PRKN: variants seen among roughly 807,000 people sequenced by gnomAD.
PRKN encodes the protein E3 ubiquitin-protein ligase parkin.
In PRKN, 56 loss-of-function variants were observed where a neutral mutation model predicts 59.5. The observed-to-expected ratio is 0.94, with a 90% CI of 0.76 to 1.18. PRKN has a LOEUF of 1.18. Ranked by LOEUF, PRKN falls within the 50% of genes most tolerant of loss-of-function variation. The probability of loss-of-function intolerance (pLI) is 0.00; values close to 1 mark genes in which losing one functional copy is unlikely to be tolerated. For missense variants in PRKN, 657 were observed against 596.4 expected, an observed-to-expected ratio of 1.10 and a Z score of -1.06; for synonymous variants, 250 against 222.1, an observed-to-expected ratio of 1.13 and a Z score of -1.12.
intron 5 of PRKN, among the ~76,000 whole-genome samples, chr6:162,007,488 T>C (rs560252956): frequency 6.6e-6 from 1 of 152,258 alleles, no homozygotes; most frequent in Non-Finnish European, 1.5e-5. Context: ...GTGAATATAC[T>C]TCTGAAAATG....
Position 161,376,472 on chromosome 6 carries a change from C to G in PRKN, c.1167+10322G>C, listed in dbSNP as rs1022495923. Among the ~76,000 whole-genome samples the G allele has an allele frequency of 2.6e-5, 4 of 152,214 alleles. No homozygotes were observed. The highest frequency in any genetic ancestry group is 6.5e-5 in the Admixed American group (1 of 15,292). ...TCAACATTAACCCGTCTCCTCTCAT[C>G]CTGTCTTCTAATCCACTGCCAAGTT... On this transcript the variant is annotated intron_variant, in intron 10 of 11. Coordinates refer to ENST00000366898, the MANE Select transcript of PRKN (RefSeq NM_004562.3). This position sits in a 1 kb window ranked among gnomAD's most constrained non-coding sequence, Gnocchi z 7.3.
chr6:162,051,082 C>A (rs1192262662), intron 5 of PRKN, among the ~76,000 whole-genome samples: 1 of 152,150 alleles, frequency 6.6e-6, no homozygotes, highest in Non-Finnish European at 1.5e-5. Flanking sequence ...AAATTCCCCC[C>A]ATTTGGCACC....
At chr6:162,169,924 T>C (rs539179561) in intron 4 of PRKN, among the ~76,000 whole-genome samples, 1 of 152,274 alleles carries the variant, frequency 6.6e-6, no homozygotes, top group Non-Finnish European at 1.5e-5. Context: ...ATTCTGATAC[T>C]AGAGAGCAGT....
chr6:161,875,573 G>A (rs959487157), intron 6 of PRKN, among the ~76,000 whole-genome samples: 3 of 152,026 alleles, frequency 2.0e-5, no homozygotes, highest in Non-Finnish European at 2.9e-5. Flanking sequence ...TCAACACTGC[G>A]GCTATGGCAA....
intron 2 of PRKN, among the ~76,000 whole-genome samples, chr6:162,284,215 C>CT (rs35609309): frequency 0.05 from 3,772 of 75,540 alleles, 356 homozygotes; most frequent in Admixed American, 0.08. Context: ...TTATTTCTTT[C>CT]TTTTTTTTTT....
chr6:162,711,423 A>AG (rs1778532222), intron 1 of PRKN, among the ~76,000 whole-genome samples: 1 of 151,544 alleles, frequency 6.6e-6, no homozygotes, highest in South Asian at 2.1e-4. Flanking sequence ...TGCTATTTAA[A>AG]AAAAAAAAAA....
At chr6:161,830,186 G>A (rs924320023) in intron 6 of PRKN, among the ~76,000 whole-genome samples, 8 of 152,064 alleles carry the variant, frequency 5.3e-5, no homozygotes, top group African/African-American at 1.9e-4. Context: ...CTCTGGCCCT[G>A]GAACCAGAGT....
chr6:162,445,762 A>G (rs961056316), intron 1 of PRKN, among the ~76,000 whole-genome samples: 1 of 150,354 alleles, frequency 6.7e-6, no homozygotes, highest in Non-Finnish European at 1.5e-5. Flanking sequence ...TAAAAAGATA[A>G]CAATAAAAAG....
rs574552428 is a variant in PRKN at position 162,282,036 on chromosome 6, G to A, written c.172-19271C>T. On this transcript the variant is annotated intron_variant, in intron 2 of 11. Coordinates refer to ENST00000366898, the MANE Select transcript of PRKN (RefSeq NM_004562.3). The stretch of plus-strand genomic sequence containing the variant: ...GAGAATCTACTGCCACTGCTGATCA[G>A]ACAGGAGCTCCAGCGTCATGCTCAT... Among the ~76,000 whole-genome samples, 184 of 152,256 alleles carry A rather than the reference G, an allele frequency of 1.2e-3. 1 individual carries two copies. The highest frequency in any genetic ancestry group is 4.0e-3 in the African/African-American group (168 of 41,546).
intron 1 of PRKN, among the ~76,000 whole-genome samples, chr6:162,501,416 C>T (rs1489089930): frequency 4.0e-5 from 6 of 149,736 alleles, no homozygotes; most frequent in Non-Finnish European, 8.9e-5. Flanking sequence ...GGTGTAATCT[C>T]GGCTCACTGC....
At chr6:161,435,252 C>T (rs986032684) in intron 9 of PRKN, among the ~76,000 whole-genome samples, 2 of 152,128 alleles carry the variant, frequency 1.3e-5, no homozygotes, top group African/African-American at 2.4e-5. Context: ...TTACAAGGAA[C>T]CTTTTGGACA....
chr6:162,176,718 C>A (rs775764529), intron 4 of PRKN, among the ~76,000 whole-genome samples: 4 of 152,022 alleles, frequency 2.6e-5, no homozygotes, highest in Admixed American at 1.3e-4. Context: ...AAACAGCAGA[C>A]AGTGGAAACT....
At chr6:162,604,163 T>C (rs1413258626) in intron 1 of PRKN, among the ~76,000 whole-genome samples, 1 of 152,196 alleles carries the variant, frequency 6.6e-6, no homozygotes, top group Non-Finnish European at 1.5e-5. Flanking sequence ...AAGCTTCATG[T>C]ACTCCTTGTA....
chr6:162,371,852 C>G (rs1785786724), intron 2 of PRKN, among the ~76,000 whole-genome samples: 1 of 152,174 alleles, frequency 6.6e-6, no homozygotes, highest in African/African-American at 2.4e-5. Context: ...CTCCGCCTTC[C>G]TCAAACATGG....
intron 2 of PRKN, among the ~76,000 whole-genome samples, chr6:162,413,443 G>C (rs559300704): frequency 6.6e-6 from 1 of 152,214 alleles, no homozygotes; most frequent in African/African-American, 2.4e-5. Flanking sequence ...GAAGAAAATA[G>C]AAAAAAGTTA....
intron 6 of PRKN, among the ~76,000 whole-genome samples, chr6:161,835,049 G>C (rs1212445240): frequency 6.6e-6 from 1 of 152,046 alleles, no homozygotes; most frequent in African/African-American, 2.4e-5. Context: ...CGCTCTCCAG[G>C]GTAAGTCCGT....
chr6:162,438,996 G>C (rs1288237131), intron 2 of PRKN, among the ~76,000 whole-genome samples: 1 of 151,978 alleles, frequency 6.6e-6, no homozygotes, highest in Non-Finnish European at 1.5e-5. Flanking sequence ...CCTTTTCTTT[G>C]CCATTTGGAC....
chr6:162,610,261 G>A, intron 1 of PRKN, among the ~76,000 whole-genome samples: 1 of 152,172 alleles, frequency 6.6e-6, no homozygotes, highest in East Asian at 1.9e-4. Flanking sequence ...TCACACAGTT[G>A]GTTAGTGGTA....
intron 1 of PRKN, among the ~76,000 whole-genome samples, chr6:162,676,140 A>C (rs1003881421): frequency 1.3e-5 from 2 of 152,214 alleles, no homozygotes; most frequent in African/African-American, 4.8e-5. Context: ...TACAAAAGAA[A>C]GTGTTCAGTT....
Sources: allele counts gnomAD v4.1 joint callset (sites outside exome capture counted in the v4.1 genomes callset), GRCh38; gene constraint gnomAD v4.1.1; non-coding constraint Gnocchi (gnomAD v3.1); transcripts MANE v1.5; gene names NCBI Gene and HGNC (gene_info 2026-07-23, HGNC 2026-07-21).